Variants in ST18 observed in about 807,000 individuals in gnomAD.
ST18 encodes ST18 C2H2C-type zinc finger transcription factor, also known as suppression of tumorigenicity 18 protein.
Under a neutral mutation model 110.0 loss-of-function variants are expected in ST18, and 50 were observed. The ratio of observed to expected loss-of-function variants is 0.45; its 90% CI spans 0.36 to 0.58. The LOEUF (loss-of-function observed/expected upper bound fraction) is 0.58, where lower values mean the gene tolerates loss of function less well. ST18 is among the 20% of genes least tolerant of loss of function. The pLI, the probability that ST18 is intolerant of heterozygous loss-of-function variation, is 0.00. For synonymous variants in ST18, 461 were observed against 452.4 expected, an observed-to-expected ratio of 1.02 and a Z score of -0.24; for missense variants, 1,306 against 1,280.1, an observed-to-expected ratio of 1.02 and a Z score of -0.31.
intron 2 of ST18, among the ~76,000 whole-genome samples, chr8:52,382,448 GC>G (rs1262692483): frequency 6.6e-6 from 1 of 152,218 alleles, no homozygotes; most frequent in African/African-American, 2.4e-5. Context: ...CAGACATGAA[GC>G]ATGAAGCTCA....
At chr8:52,165,061 C>A (rs2062503708) in intron 12 of ST18, 74 bp downstream of exon 12, 2 of 1,414,592 alleles carry the variant, frequency 1.4e-6, no homozygotes, top group Admixed American at 3.4e-5. Context: ...ACATTGGTAA[C>A]CCATTATTTT....
chr8:52,201,587 A>G (rs1321123949), intron 8 of ST18, among the ~76,000 whole-genome samples: 2 of 151,102 alleles, frequency 1.3e-5, no homozygotes, highest in African/African-American at 4.9e-5. Flanking sequence ...GCAGAGAACC[A>G]CAGTGAGAAT....
chr8:52,354,033 C>T (rs557971412), intron 2 of ST18, among the ~76,000 whole-genome samples: 90 of 152,358 alleles, frequency 5.9e-4, no homozygotes, highest in African/African-American at 2.0e-3. Context: ...GGCCTTCACT[C>T]TCCCAGCCCA....
In ST18 at chr8:52,323,059, G is replaced by A. The variant is rs750787981; in HGVS notation, c.-465+86269C>T. On this transcript the variant is annotated intron_variant, in intron 2 of 25. Transcript: ENST00000689386. ...CAGGTTTCCTTGGACCTAGCTCCTC[G>A]GAGGAGTCCTGGGCCAAGAAATCAG... Among the ~76,000 whole-genome samples, 96 of 152,286 alleles carry A rather than the reference G, an allele frequency of 6.3e-4. 1 individual carries two copies. The highest frequency in any genetic ancestry group is 3.4e-3 in the Middle Eastern group (1 of 294).
At chr8:52,407,382 C>T (rs888273421) in intron 2 of ST18, 2 of 152,196 alleles carry the variant, frequency 1.3e-5, no homozygotes, top group African/African-American at 4.8e-5. Flanking sequence ...CTTCCTTAAG[C>T]TGCATTTTGC....
intron 2 of ST18, among the ~76,000 whole-genome samples, chr8:52,323,864 G>C (rs555656007): frequency 6.6e-6 from 1 of 152,298 alleles, no homozygotes; most frequent in South Asian, 2.1e-4. Context: ...ATGACCTTTG[G>C]AATGGGAAAG....
intron 2 of ST18, among the ~76,000 whole-genome samples, chr8:52,260,426 A>G (rs539582835): frequency 1.4e-3 from 200 of 145,280 alleles, no homozygotes; most frequent in Middle Eastern, 7.0e-3. Flanking sequence ...GTTCTTATTT[A>G]TCATGTGACA....
chr8:52,264,997 C>T (rs868379128), intron 2 of ST18, among the ~76,000 whole-genome samples: 3 of 152,246 alleles, frequency 2.0e-5, no homozygotes, highest in Middle Eastern at 3.4e-3. Flanking sequence ...GCTTAAATTC[C>T]AGAATAAACA....
chr8:52,128,905 G>A (rs746211440), intron 22 of ST18, among the ~76,000 whole-genome samples: 1 of 152,154 alleles, frequency 6.6e-6, no homozygotes, highest in Non-Finnish European at 1.5e-5. Flanking sequence ...TAAGGGTGCT[G>A]TCTGTGGGCA....
At chr8:52,115,148 A>G (rs1263537794) in intron 25 of ST18, among the ~76,000 whole-genome samples, 1 of 152,198 alleles carries the variant, frequency 6.6e-6, no homozygotes, top group Admixed American at 6.5e-5. Flanking sequence ...TAAGAACTCC[A>G]TGCTAGGAAC....
At chr8:52,383,715 G>A (rs533856298) in intron 2 of ST18, among the ~76,000 whole-genome samples, 16 of 152,168 alleles carry the variant, frequency 1.1e-4, no homozygotes, top group African/African-American at 3.4e-4. Context: ...CCAAAGTGCT[G>A]GGATTACAGG....
intron 3 of ST18, among the ~76,000 whole-genome samples, chr8:52,224,424 GT>G (rs2088388141): frequency 1.3e-5 from 2 of 152,132 alleles, no homozygotes; most frequent in Non-Finnish European, 1.5e-5. Flanking sequence ...AGCTTTCCAG[GT>G]TAATATTAGG....
intron 2 of ST18, among the ~76,000 whole-genome samples, chr8:52,275,068 G>A (rs1758239591): frequency 6.6e-6 from 1 of 152,110 alleles, no homozygotes; most frequent in Non-Finnish European, 1.5e-5. Flanking sequence ...GCCAGCATTG[G>A]CAGGTTTGGT....
chr8:52,237,615 A>G (rs74317557), intron 2 of ST18, among the ~76,000 whole-genome samples: 5,310 of 152,284 alleles, frequency 0.035, 293 homozygotes, highest in African/African-American at 0.12. Context: ...GATGGAGATG[A>G]AAGGGTGGAT....
chr8:52,180,668 C>G (rs886842360), intron 8 of ST18, among the ~76,000 whole-genome samples: 4 of 147,728 alleles, frequency 2.7e-5, no homozygotes, highest in African/African-American at 9.9e-5. Context: ...CCACCAGATA[C>G]AAAAAAAAAA....
intron 2 of ST18, chr8:52,407,845 T>A (rs986959034): frequency 6.6e-6 from 1 of 152,208 alleles, no homozygotes; most frequent in Non-Finnish European, 1.5e-5. Context: ...AACAGTCCAG[T>A]GCCGCCATCG....
At chr8:52,388,813 TG>T (rs1564636444) in intron 2 of ST18, among the ~76,000 whole-genome samples, 1 of 76,268 alleles carries the variant, frequency 1.3e-5, no homozygotes. Flanking sequence ...CGGGGACTGT[TG>T]TGGGGTGGGG....
intron 8 of ST18, among the ~76,000 whole-genome samples, chr8:52,207,804 T>C (rs1007643400): frequency 1.2e-4 from 19 of 152,230 alleles, no homozygotes; most frequent in Non-Finnish European, 1.9e-4. Context: ...GGCTAGAATA[T>C]ATTTTCCTAA....
In ST18 at chr8:52,390,611, G is replaced by A. The variant is rs56131534; in HGVS notation, c.-465+18717C>T. Reference sequence around the variant, plus strand: ...GCTTGCATTGAGCACTGTATTTTGAGGGACGGTGACCTGGCAAGAAAGAGA... The same window carrying A: ...GCTTGCATTGAGCACTGTATTTTGAAGGACGGTGACCTGGCAAGAAAGAGA... On this transcript the variant is annotated intron_variant, in intron 2 of 25. Transcript: ENST00000689386. 5.8e-3 allele frequency among the ~76,000 whole-genome samples: 888 copies of A among 152,314 alleles called. 5 individuals carry two copies. Among genetic ancestry groups the A allele is most frequent in the Non-Finnish European group, 0.01 (702 of 68,032 alleles).
Sources: allele counts gnomAD v4.1 joint callset (sites outside exome capture counted in the v4.1 genomes callset), GRCh38; gene constraint gnomAD v4.1.1; transcripts MANE v1.5; gene names NCBI Gene and HGNC (gene_info 2026-07-23, HGNC 2026-07-21).